ESRRB: variants seen among roughly 807,000 people sequenced by gnomAD.
ESRRB encodes the protein steroid hormone receptor ERR2.
A neutral mutation model predicts 46.0 loss-of-function variants in ESRRB; 16 were observed. That is an observed-to-expected ratio of 0.35 (90% CI 0.24 to 0.53). The LOEUF (loss-of-function observed/expected upper bound fraction) is 0.53, where lower values mean the gene tolerates loss of function less well. ESRRB is among the 20% of genes least tolerant of loss of function. The pLI, the probability that ESRRB is intolerant of heterozygous loss-of-function variation, is 0.93. For synonymous variants in ESRRB, 246 were observed against 259.6 expected, an observed-to-expected ratio of 0.95 and a Z score of 0.50; for missense variants, 488 against 607.4, an observed-to-expected ratio of 0.80 and a Z score of 2.07.
At chr14:76,351,585 G>C (rs1884313470) in intron 1 of ESRRB, among the ~76,000 whole-genome samples, 1 of 152,200 alleles carries the variant, frequency 6.6e-6, no homozygotes, top group Non-Finnish European at 1.5e-5. Flanking sequence ...CACATTCTCA[G>C]GTACTGGGGG....
In ESRRB at chr14:76,378,003, A is replaced by G. The variant is rs367902930; in HGVS notation, c.50+1552A>G. 5.3e-4 allele frequency among the ~76,000 whole-genome samples: 77 copies of G among 144,774 alleles called. 2 individuals carry two copies. The South Asian group carries it at 0.018, about 35-fold the overall frequency. 95.0% of individuals were successfully genotyped at this position (144,774 alleles called of 152,430 possible). On this transcript the variant is annotated intron_variant, in intron 1 of 6. Transcript: ENST00000644823. Reference sequence around the variant, plus strand: ...TGAAAAGTGGCTTTCATTCCTTTTAAAGGTTAGATTCTAGCTGGGGTGGGG... The same window carrying G: ...TGAAAAGTGGCTTTCATTCCTTTTAGAGGTTAGATTCTAGCTGGGGTGGGG...
intron 1 of ESRRB, among the ~76,000 whole-genome samples, chr14:76,433,986 G>T (rs1386150985): frequency 7.2e-6 from 1 of 139,434 alleles, no homozygotes; most frequent in Non-Finnish European, 1.5e-5. Context: ...TTTTTGAGAC[G>T]GGGTCTCTGT....
At chr14:76,464,221 G>C (rs577844325) in intron 3 of ESRRB, among the ~76,000 whole-genome samples, 1 of 152,192 alleles carries the variant, frequency 6.6e-6, no homozygotes, top group Non-Finnish European at 1.5e-5. Context: ...CGAAGGGACA[G>C]GTTTGGAATC....
chr14:76,499,391 A>G lies in ESRRB; in HGVS notation c.*933A>G. On this transcript the variant is annotated 3_prime_UTR_variant, in exon 7 of 7. Coordinates refer to ENST00000644823, the MANE Select transcript of ESRRB (RefSeq NM_001379180.1). ...CAGGAGCCTGGCTCCATCCAAGAGC[A>G]CCCCGGGGGGAGGATCAGGACAGGA... The G allele has an allele frequency of 7.7e-6, 2 of 261,082 alleles. No homozygotes were observed. Among genetic ancestry groups the G allele is most frequent in the Non-Finnish European group, 1.5e-5 (2 of 133,328 alleles). The allele number at this position is 261,082 out of a possible 1,614,324, so 16.2% of individuals were successfully genotyped here.
chr14:76,394,760 G>A (rs891041493), intron 1 of ESRRB, among the ~76,000 whole-genome samples: 1 of 152,170 alleles, frequency 6.6e-6, no homozygotes, highest in Admixed American at 6.5e-5. Context: ...TAAATGGTGA[G>A]CCTCGGGCCA....
chr14:76,452,455 C>T (rs555546817), intron 2 of ESRRB, among the ~76,000 whole-genome samples: 6 of 151,634 alleles, frequency 4.0e-5, no homozygotes, highest in African/African-American at 1.5e-4. Flanking sequence ...GATGAAACCC[C>T]GTCTATACTA....
chr14:76,493,242 C>T (rs1049286050), intron 6 of ESRRB, among the ~76,000 whole-genome samples: 2 of 152,282 alleles, frequency 1.3e-5, no homozygotes, highest in Middle Eastern at 6.8e-3. Context: ...GCAACCTCTG[C>T]CTCCCGGGTT....
chr14:76,363,642 T>C (rs773909131), intron 1 of ESRRB, among the ~76,000 whole-genome samples: 10 of 152,168 alleles, frequency 6.6e-5, no homozygotes, highest in Non-Finnish European at 1.2e-4. Context: ...ACATGGACAG[T>C]GAGGAGAGGG....
At chr14:76,396,171 C>G (rs955068142) in intron 1 of ESRRB, among the ~76,000 whole-genome samples, 3 of 150,832 alleles carry the variant, frequency 2.0e-5, no homozygotes, top group African/African-American at 7.3e-5. Flanking sequence ...GACTCCGTAT[C>G]AAACAAAAAC....
At chr14:76,312,037 C>A (rs1332462347) in intron 1 of ESRRB, among the ~76,000 whole-genome samples, 2 of 126,550 alleles carry the variant, frequency 1.6e-5, no homozygotes, top group Admixed American at 8.6e-5. Flanking sequence ...TTTAAATGTA[C>A]CTTTTTTTTT....
At chr14:76,319,180 A>G (rs1883838423) in intron 1 of ESRRB, among the ~76,000 whole-genome samples, 1 of 152,202 alleles carries the variant, frequency 6.6e-6, no homozygotes, top group South Asian at 2.1e-4. Flanking sequence ...AGCATTCAGA[A>G]CCACTGGAGT....
At position 76,465,219 on chromosome 14, in the gene ESRRB, G is replaced by C. The variant is rs369238538; in HGVS notation, c.577+2558G>C. 2.9e-4 allele frequency among the ~76,000 whole-genome samples: 44 copies of C among 152,126 alleles called. No individual in the cohort carries two copies. In the South Asian group the frequency reaches 9.1e-3, roughly 32 times the overall value. On this transcript the variant is annotated intron_variant, in intron 3 of 6. Transcript: ENST00000644823. ...TCACACATTCATCTGAGGGGAGCTG[G>C]GCCCAGAGGCTGGAACTTTCCTTGC...
At chr14:76,337,212 G>A (rs1199799949) in intron 1 of ESRRB, among the ~76,000 whole-genome samples, 1 of 152,184 alleles carries the variant, frequency 6.6e-6, no homozygotes, top group African/African-American at 2.4e-5. Flanking sequence ...AGGTGCCAGT[G>A]AGAGACAGAA....
At chr14:76,329,397 G>A (rs1045485717) in intron 1 of ESRRB, among the ~76,000 whole-genome samples, 2 of 152,244 alleles carry the variant, frequency 1.3e-5, no homozygotes, top group Admixed American at 1.3e-4. Flanking sequence ...GGGAGGTTCC[G>A]TGAATCCCAA....
intron 1 of ESRRB, among the ~76,000 whole-genome samples, chr14:76,425,042 C>T (rs901535103): frequency 6.6e-6 from 1 of 152,166 alleles, no homozygotes; most frequent in Non-Finnish European, 1.5e-5. Flanking sequence ...AGCCACTGCG[C>T]CTGGCCTGAT....
chr14:76,332,244 A>G (rs1052749398), intron 1 of ESRRB, among the ~76,000 whole-genome samples: 1 of 150,992 alleles, frequency 6.6e-6, no homozygotes, highest in Non-Finnish European at 1.5e-5. Flanking sequence ...CGTGGGCTGG[A>G]GCAGTTCTGT....
At chr14:76,469,752 C>G (rs1889278246) in intron 3 of ESRRB, among the ~76,000 whole-genome samples, 1 of 151,944 alleles carries the variant, frequency 6.6e-6, no homozygotes, top group African/African-American at 2.4e-5. Context: ...CTACCTGATC[C>G]CACTGTCTTT....
chr14:76,339,524 C>T (rs1032734234), intron 1 of ESRRB, among the ~76,000 whole-genome samples: 3 of 152,200 alleles, frequency 2.0e-5, no homozygotes, highest in Non-Finnish European at 4.4e-5. Flanking sequence ...CATACCCACC[C>T]AGCTTTAGGC....
chr14:76,389,916 C>T (rs192640730), intron 1 of ESRRB, among the ~76,000 whole-genome samples: 404 of 152,260 alleles, frequency 2.7e-3, no homozygotes, highest in African/African-American at 9.0e-3. Flanking sequence ...AAAAACCATG[C>T]GATGCTGAGC....
Sources: gnomAD v4.1 joint callset for allele counts (sites outside exome capture counted in the v4.1 genomes callset) on GRCh38, gnomAD v4.1.1 for gene constraint, MANE v1.5 for transcripts, NCBI Gene and HGNC (gene_info 2026-07-23, HGNC 2026-07-21) for gene names.